NEK4: variants seen among roughly 807,000 people sequenced by gnomAD.
NEK4 encodes NIMA related kinase 4, also known as serine/threonine-protein kinase Nek4.
In NEK4, 86 loss-of-function variants were observed where a neutral mutation model predicts 98.4. The ratio of observed to expected loss-of-function variants is 0.87; its 90% CI spans 0.73 to 1.05. The LOEUF is 1.05. Among genes scored for constraint, NEK4 ranks in the 50% least tolerant of loss-of-function variants. The pLI is 0.00. For synonymous variants in NEK4, 328 were observed against 342.2 expected (o/e 0.96, Z 0.46); for missense variants, 898 against 950.3 (o/e 0.94, Z 0.72).
chr3:52,749,545 T>G (rs1481013689), intron 8 of NEK4, 147 bp downstream of exon 8: 1 of 153,460 alleles, frequency 6.5e-6, no homozygotes, highest in African/African-American at 2.4e-5. Context: ...TATAAAAAGA[T>G]GCTCAAGGCT....
chr3:52,759,029 T>G (rs1698240527), intron 6 of NEK4, among the ~76,000 whole-genome samples: 1 of 150,078 alleles, frequency 6.7e-6, no homozygotes, highest in African/African-American at 2.5e-5. Flanking sequence ...GTTCAGAGGC[T>G]GTAGTGAGCT....
In NEK4 at chr3:52,766,095, T is replaced by C. The variant is rs551866067; in HGVS notation, c.558+83A>G. On this transcript the variant is annotated intron_variant, in intron 3 of 15. Transcript: ENST00000233027. ...CATTTTCCTTAAACCAATTCATAGATAATTCTCTGACTTAATTAACTTCTG... is the reference window on the plus strand; with the variant it reads ...CATTTTCCTTAAACCAATTCATAGACAATTCTCTGACTTAATTAACTTCTG... 8 of 1,455,488 alleles carry C rather than the reference T, an allele frequency of 5.5e-6. No homozygotes were observed. The African/African-American group carries it at 8.5e-5, about 15-fold the overall frequency. 90.2% of individuals were successfully genotyped at this position (1,455,488 alleles called of 1,614,324 possible).
intron 15 of NEK4, among the ~76,000 whole-genome samples, chr3:52,724,573 G>A (rs2097362882): frequency 6.6e-6 from 1 of 151,854 alleles, no homozygotes; most frequent in Admixed American, 6.6e-5. Flanking sequence ...TAAATAACTT[G>A]AAGCTTTATG....
chr3:52,754,681 C>G lies in NEK4; in HGVS notation c.964-2345G>C, dbSNP rs551684039. 27 of 592,820 alleles carry G rather than the reference C, an allele frequency of 4.6e-5. No individual in the cohort carries two copies. The East Asian group carries it at 7.2e-4, about 16-fold the overall frequency. The allele number at this position is 592,820 out of a possible 1,614,324, so 36.7% of individuals were successfully genotyped here. The stretch of plus-strand genomic sequence containing the variant: ...CAATCTTTCAGTAAAGAAGAGAAAA[C>G]AGTAGCAACTTAAGAGATGGTGAAT... On this transcript the variant is annotated intron_variant, in intron 6 of 15. Coordinates refer to ENST00000233027, the MANE Select transcript of NEK4 (RefSeq NM_003157.6).
At chr3:52,734,798 G>C (rs1304986123) in intron 15 of NEK4, 2 of 273,552 alleles carry the variant, frequency 7.3e-6, no homozygotes, top group Admixed American at 4.1e-5. Context: ...TGTTGGCATT[G>C]ATGATCTGAC....
At chr3:52,763,148 A>G (rs1249972391) in intron 5 of NEK4, among the ~76,000 whole-genome samples, 1 of 152,212 alleles carries the variant, frequency 6.6e-6, no homozygotes, top group Non-Finnish European at 1.5e-5. Context: ...AGCAAAAAGC[A>G]TTTAGGTTTT....
intron 4 of NEK4, among the ~76,000 whole-genome samples, chr3:52,764,285 C>CCA (rs1698466779): frequency 1.2e-5 from 1 of 85,192 alleles, no homozygotes; most frequent in Non-Finnish European, 2.5e-5. Context: ...GACTCTGTCT[C>CCA]AAAAAAAAAA....
Position 52,770,836 on chromosome 3 carries a change from G to C in NEK4, c.-90C>G, listed in dbSNP as rs1222050561. On this transcript the variant is annotated 5_prime_UTR_variant, in exon 1 of 16. Coordinates refer to ENST00000233027, the MANE Select transcript of NEK4 (RefSeq NM_003157.6). ...AAGAAGCTCGGTTCATGCCCGAGAG[G>C]GGGCAGTGGGGGCGGCTGTTGAGGC... The C allele has an allele frequency of 7.1e-6, 8 of 1,133,594 alleles. No homozygotes were observed. Among genetic ancestry groups the C allele is most frequent in the East Asian group, 2.6e-5 (1 of 38,650 alleles). The allele number at this position is 1,133,594 out of a possible 1,614,324, so 70.2% of individuals were successfully genotyped here.
chr3:52,722,438 C>T (rs1456156246), intron 15 of NEK4, among the ~76,000 whole-genome samples: 1 of 152,078 alleles, frequency 6.6e-6, no homozygotes, highest in Non-Finnish European at 1.5e-5. Context: ...GTAAATCCTA[C>T]ATCACTGGCA....
intron 10 of NEK4, among the ~76,000 whole-genome samples, chr3:52,744,792 G>A (rs1212072004): frequency 6.6e-6 from 1 of 151,036 alleles, no homozygotes; most frequent in Non-Finnish European, 1.5e-5. Context: ...TTGGAAACCA[G>A]CCCACAGCAG....
chr3:52,720,576 A>T (rs1190990195), intron 15 of NEK4, among the ~76,000 whole-genome samples: 1 of 152,236 alleles, frequency 6.6e-6, no homozygotes, highest in Non-Finnish European at 1.5e-5. Flanking sequence ...CACAGCTAAC[A>T]TCTCCTCATA....
intron 6 of NEK4, among the ~76,000 whole-genome samples, chr3:52,756,555 A>G (rs1178962919): frequency 6.6e-6 from 1 of 152,234 alleles, no homozygotes; most frequent in Non-Finnish European, 1.5e-5. Context: ...ATCCATATAC[A>G]GAATAATGAA....
In NEK4 at chr3:52,770,884, T is replaced by C. The variant is rs1052822211; in HGVS notation, c.-138A>G. On this transcript the variant is annotated 5_prime_UTR_variant, in exon 1 of 16. Coordinates refer to ENST00000233027, the MANE Select transcript of NEK4 (RefSeq NM_003157.6). ...GGCAGCCGGGCCCGGGCGGGATTGC[T>C]GGGGCCCGGCCCGCGACGACGCCGC... is the stretch of plus-strand genomic sequence containing the variant. 4.2e-6 allele frequency: 3 copies of C among 709,116 alleles called. No homozygotes were observed. Among genetic ancestry groups the C allele is most frequent in the Admixed American group, 5.1e-5 (2 of 39,130 alleles). The allele number at this position is 709,116 out of a possible 1,614,324, so 43.9% of individuals were successfully genotyped here.
chr3:52,734,908 C>CAA, intron 15 of NEK4: 1 of 214,692 alleles, frequency 4.7e-6, no homozygotes, highest in South Asian at 6.4e-5. Flanking sequence ...AGAATATTAC[C>CAA]AAAAAAAAAG....
At position 52,770,752 on chromosome 3, in the gene NEK4, C is replaced by A; in HGVS notation, c.-6G>T. The A allele has an allele frequency of 6.4e-7, 1 of 1,558,446 alleles. No individual in the cohort carries two copies. The highest frequency in any genetic ancestry group is 1.4e-5 in the African/African-American group (1 of 73,454). On this transcript the variant is annotated 5_prime_UTR_variant, in exon 1 of 16. Transcript: ENST00000233027. ...CAGTAGGCGGCCAGGGGCATGTTCC[C>A]AGCGCTGGCCCAGAGTCGGGATGCG...
At chr3:52,749,013 G>A (rs1393198937) in intron 8 of NEK4, among the ~76,000 whole-genome samples, 1 of 152,134 alleles carries the variant, frequency 6.6e-6, no homozygotes, top group Non-Finnish European at 1.5e-5. Flanking sequence ...CTTGAGCCTA[G>A]GAGGTGGAGG....
chr3:52,770,829 C>T lies in NEK4; in HGVS notation c.-83G>A. The T allele has an allele frequency of 3.2e-6, 4 of 1,234,776 alleles. No individual in the cohort carries two copies. Among genetic ancestry groups the T allele is most frequent in the Non-Finnish European group, 4.5e-6 (4 of 883,994 alleles). The allele number at this position is 1,234,776 out of a possible 1,614,324, so 76.5% of individuals were successfully genotyped here. A position where few individuals can be genotyped will look rare whatever the true frequency, so the allele number is the denominator to read the frequency against. On this transcript the variant is annotated 5_prime_UTR_variant, in exon 1 of 16. Coordinates refer to ENST00000233027, the MANE Select transcript of NEK4 (RefSeq NM_003157.6). ...CGGCAACAAGAAGCTCGGTTCATGC[C>T]CGAGAGGGGGCAGTGGGGGCGGCTG... is the stretch of plus-strand genomic sequence containing the variant.
rs1386278746 is a variant in NEK4, at chr3:52,729,808, T to C, written c.2433+7778A>G. Among the ~76,000 whole-genome samples, 3 of 150,200 alleles carry C rather than the reference T, an allele frequency of 2.0e-5. No individual in the cohort carries two copies. In the East Asian group the frequency reaches 5.9e-4, roughly 29 times the overall value. On this transcript the variant is annotated intron_variant, in intron 15 of 15. Transcript: ENST00000233027. ...TTAAAATGGATACATTACTACCAGC[T>C]CTACAGAAATAAAAAGAATTGGGTG...
At chr3:52,748,194 C>A (rs1411797470) in intron 8 of NEK4, among the ~76,000 whole-genome samples, 3 of 151,288 alleles carry the variant, frequency 2.0e-5, no homozygotes, top group Non-Finnish European at 2.9e-5. Context: ...GTCTCGATCT[C>A]CTGACCTCAT....
Sources: allele counts gnomAD v4.1 joint callset (sites outside exome capture counted in the v4.1 genomes callset), GRCh38; gene constraint gnomAD v4.1.1; transcripts MANE v1.5; gene names NCBI Gene and HGNC (gene_info 2026-07-23, HGNC 2026-07-21).